The following CAMK4 variants were observed in gnomAD, a reference collection of about 807,000 sequenced individuals.
The protein encoded by CAMK4 is calcium/calmodulin-dependent protein kinase type IV.
Under a neutral mutation model 44.9 loss-of-function variants are expected in CAMK4, and 22 were observed. The ratio of observed to expected loss-of-function variants is 0.49; its 90% CI spans 0.35 to 0.70. The LOEUF is 0.70. Ranked by LOEUF, CAMK4 falls within the 30% of genes least tolerant of loss-of-function variation. CAMK4 has a pLI of 0.01. For synonymous variants in CAMK4, 218 were observed against 215.4 expected, an observed-to-expected ratio of 1.01 and a Z score of -0.11; for missense variants, 498 against 586.8, an observed-to-expected ratio of 0.85 and a Z score of 1.56.
chr5:111,483,552 A>T (rs1440060003), intron 10 of CAMK4, among the ~76,000 whole-genome samples: 1 of 152,202 alleles, frequency 6.6e-6, no homozygotes. Flanking sequence ...ATACAGACTA[A>T]ATAAATCTGA....
chr5:111,400,679 T>G (rs1359807342), intron 5 of CAMK4, among the ~76,000 whole-genome samples: 1 of 152,192 alleles, frequency 6.6e-6, no homozygotes. Context: ...AAAGTGTGTT[T>G]GAAAGATGTT....
At chr5:111,305,369 A>G (rs1373834432) in intron 1 of CAMK4, among the ~76,000 whole-genome samples, 5 of 19,602 alleles carry the variant, frequency 2.6e-4, no homozygotes, top group African/African-American at 1.1e-3. Context: ...TAAAGAAAAA[A>G]AGAGAGAAGA....
chr5:111,375,138 G>A (rs936996242), intron 3 of CAMK4, among the ~76,000 whole-genome samples: 8 of 151,984 alleles, frequency 5.3e-5, no homozygotes, highest in African/African-American at 1.9e-4. Context: ...AGCAATATAC[G>A]CCATCTTTAT....
chr5:111,252,480 C>T (rs1181035369), intron 1 of CAMK4, among the ~76,000 whole-genome samples: 10 of 152,070 alleles, frequency 6.6e-5, no homozygotes, highest in Non-Finnish European at 1.0e-4. Flanking sequence ...TTCTCCTAAC[C>T]ACCTTTAAAT....
At chr5:111,401,944 A>G (rs746837357) in intron 5 of CAMK4, among the ~76,000 whole-genome samples, 2 of 152,190 alleles carry the variant, frequency 1.3e-5, no homozygotes, top group African/African-American at 2.4e-5. Context: ...TCTGAGGATG[A>G]TGCTCCAGCC....
chr5:111,288,984 G>T (rs1376523200), intron 1 of CAMK4, among the ~76,000 whole-genome samples: 1 of 152,168 alleles, frequency 6.6e-6, no homozygotes, highest in South Asian at 2.1e-4. Flanking sequence ...TACACTTCTG[G>T]GTTACATATG....
chr5:111,461,765 A>ATT (rs1754650231), intron 7 of CAMK4, among the ~76,000 whole-genome samples: 1 of 123,142 alleles, frequency 8.1e-6, no homozygotes, highest in African/African-American at 3.0e-5. Context: ...GATACAGTGG[A>ATT]TTTTTGTGGC....
At chr5:111,439,869 G>T (rs1753766896) in intron 5 of CAMK4, among the ~76,000 whole-genome samples, 1 of 152,172 alleles carries the variant, frequency 6.6e-6, no homozygotes, top group Non-Finnish European at 1.5e-5. Flanking sequence ...GCCTATGAGA[G>T]TCTGAAGGAG....
chr5:111,352,325 A>C (rs1750143474), intron 2 of CAMK4, among the ~76,000 whole-genome samples: 1 of 151,558 alleles, frequency 6.6e-6, no homozygotes, highest in Non-Finnish European at 1.5e-5. Flanking sequence ...AGGTGAGAAA[A>C]CTAAGGGTCA....
chr5:111,449,048 A>T, intron 6 of CAMK4, 81 bp from the exon 7 acceptor site: 1 of 638,036 alleles, frequency 1.6e-6, no homozygotes, highest in East Asian at 2.9e-5. Flanking sequence ...TAAATAAGTT[A>T]GTTTTATTTT....
intron 1 of CAMK4, among the ~76,000 whole-genome samples, chr5:111,243,865 C>T (rs1171364973): frequency 2.0e-5 from 3 of 152,180 alleles, no homozygotes; most frequent in African/African-American, 7.2e-5. Context: ...AACATGCATT[C>T]ATCTTCACCA....
chr5:111,410,098 A>G (rs1752577679), intron 5 of CAMK4, among the ~76,000 whole-genome samples: 1 of 152,138 alleles, frequency 6.6e-6, no homozygotes, highest in African/African-American at 2.4e-5. Context: ...ATTTTTGGGT[A>G]TCTTTACAGA....
intron 1 of CAMK4, among the ~76,000 whole-genome samples, chr5:111,329,414 A>G (rs766789557): frequency 1.1e-4 from 16 of 151,746 alleles, no homozygotes; most frequent in South Asian, 8.4e-4. Context: ...AGAGTATTCA[A>G]TTAGGAAAAG....
chr5:111,357,347 C>A (rs1158439537), intron 2 of CAMK4, among the ~76,000 whole-genome samples: 1 of 151,974 alleles, frequency 6.6e-6, no homozygotes, highest in Non-Finnish European at 1.5e-5. Context: ...GAGTGCTGTC[C>A]AATGGACCAC....
At chr5:111,413,255 T>C (rs1752691904) in intron 5 of CAMK4, among the ~76,000 whole-genome samples, 1 of 152,144 alleles carries the variant, frequency 6.6e-6, no homozygotes, top group Non-Finnish European at 1.5e-5. Context: ...GAAATTGTCA[T>C]ATAAAAGGTT....
At chr5:111,366,125 T>C (rs1580657430) in intron 2 of CAMK4, among the ~76,000 whole-genome samples, 1 of 152,174 alleles carries the variant, frequency 6.6e-6, no homozygotes, top group East Asian at 1.9e-4. Flanking sequence ...CATTAATGAT[T>C]TATATTGTGC....
chr5:111,224,365 C>T (rs1748054800), upstream of CAMK4: 2 of 1,331,384 alleles, frequency 1.5e-6, no homozygotes, highest in Non-Finnish European at 1.9e-6. This position sits in a 1 kb window ranked among gnomAD's most constrained non-coding sequence, Gnocchi z 5.7. Context: ...GGCGTGTGCG[C>T]GCGTGAAGGA....
rs1371136373 is a variant in CAMK4, at chr5:111,448,132, GT to G, written c.551-994del. 2.6e-5 allele frequency among the ~76,000 whole-genome samples: 4 copies of G among 152,292 alleles called. No individual in the cohort carries two copies. In the South Asian group the frequency reaches 6.2e-4, roughly 24 times the overall value. ...GAATGCCCTTGAATGGTTTCCTGAT[GT>G]TTCCTGAGTGCAAGCGATATAGCTC... On this transcript the variant is annotated intron_variant, in intron 6 of 10. Coordinates refer to ENST00000282356, the MANE Select transcript of CAMK4 (RefSeq NM_001744.6).
At chr5:111,404,125 A>G (rs1752331797) in intron 5 of CAMK4, among the ~76,000 whole-genome samples, 2 of 152,230 alleles carry the variant, frequency 1.3e-5, no homozygotes, top group African/African-American at 4.8e-5. Flanking sequence ...GGGTTGGCTA[A>G]GCATACATAT....
Sources: gnomAD v4.1 joint callset for allele counts (sites outside exome capture counted in the v4.1 genomes callset) on GRCh38, gnomAD v4.1.1 for gene constraint, Gnocchi (gnomAD v3.1) non-coding constraint, MANE v1.5 for transcripts, NCBI Gene and HGNC (gene_info 2026-07-23, HGNC 2026-07-21) for gene names.